Variants in UBAP2L observed in about 807,000 individuals in gnomAD.
The protein encoded by UBAP2L is ubiquitin-associated protein 2-like.
A neutral mutation model predicts 130.6 loss-of-function variants in UBAP2L; 12 were observed. The observed-to-expected ratio is 0.09, with a 90% CI of 0.06 to 0.15. The LOEUF is 0.15. UBAP2L is among the 10% of genes least tolerant of loss of function. The probability of loss-of-function intolerance (pLI) is 1.00; values close to 1 mark genes in which losing one functional copy is unlikely to be tolerated. For synonymous variants in UBAP2L, 503 were observed against 524.7 expected (o/e 0.96, Z 0.57); for missense variants, 965 against 1,332.5 (o/e 0.72, Z 4.29).
At chr1:154,226,435 GATAA>G (rs1667952479) in intron 2 of UBAP2L, among the ~76,000 whole-genome samples, 2 of 152,224 alleles carry the variant, frequency 1.3e-5, no homozygotes, top group Admixed American at 1.3e-4. Flanking sequence ...ATTATGGTCA[GATAA>G]ATCGAATATG....
At chr1:154,252,318 G>A (rs1339600937) in intron 14 of UBAP2L, among the ~76,000 whole-genome samples, 1 of 114,768 alleles carries the variant, frequency 8.7e-6, no homozygotes, top group African/African-American at 3.5e-5. Context: ...GTTTTGCTCT[G>A]TTGCCAGGCT....
rs752946273 is a variant in UBAP2L, at chr1:154,254,002, C to T, written c.1767C>T (p.Gly589=). The change falls in exon 15 of 27, where the codon GGC becomes GGT. Residue 589 remains glycine, a synonymous_variant. Transcript: ENST00000428931. Reference sequence around the variant, plus strand: ...ATACCTCCCAAAATAATGCTCAGGGCCCTCTTTATGAACAGAGATCCACAC... The same window carrying T: ...ATACCTCCCAAAATAATGCTCAGGGTCCTCTTTATGAACAGAGATCCACAC... ...TTYTSQNNAQ[G]PLYEQRSTQT... 6.0e-5 allele frequency: 97 copies of T among 1,603,550 alleles called. No homozygotes were observed. Among genetic ancestry groups the T allele is most frequent in the Admixed American group, 1.2e-4 (7 of 59,132 alleles).
Position 154,268,829 on chromosome 1 carries a change from A to G in UBAP2L, c.3043A>G (p.Ser1015Gly), listed in dbSNP as rs1684098299. 4 of 1,613,982 alleles carry G rather than the reference A, an allele frequency of 2.5e-6. No individual in the cohort carries two copies. In the East Asian group the frequency reaches 6.7e-5, roughly 27 times the overall value. Residue 1015 changes from serine to glycine, a missense_variant, in exon 26 of 27, where the codon AGT becomes GGT. By Grantham distance (56) the Ser-to-Gly change is moderately conservative (BLOSUM62 0). This residue lies in a region of UBAP2L where 194 missense variants were observed against 334.0 expected (regional missense o/e 0.58). Coordinates refer to ENST00000428931, the MANE Select transcript of UBAP2L (RefSeq NM_014847.4). ...CTTCAACTTGCCTTCAGCCCTAGGA[A>G]GTGGGGGCCCCATCAATCCGGCCAC... Reference protein sequence around the residue: ...ASFNLPSALGSGGPINPATAA... With the variant: ...ASFNLPSALGGGGPINPATAA...
At chr1:154,266,850 C>T (rs927351116) in intron 25 of UBAP2L, among the ~76,000 whole-genome samples, 1 of 142,308 alleles carries the variant, frequency 7.0e-6, no homozygotes, top group Non-Finnish European at 1.6e-5. Flanking sequence ...GCCCCTTTTC[C>T]TACCTACTCC....
upstream of UBAP2L, chr1:154,220,594 G>A (rs1027999910): frequency 6.3e-5 from 39 of 623,750 alleles, no homozygotes; most frequent in Admixed American, 4.0e-4. Flanking sequence ...AAAGGAGAAC[G>A]ACGCCTTCCA....
At chr1:154,267,082 T>A (rs150158612) in intron 25 of UBAP2L, among the ~76,000 whole-genome samples, 1 of 152,230 alleles carries the variant, frequency 6.6e-6, no homozygotes, top group East Asian at 1.9e-4. Flanking sequence ...GGGGGGGCAC[T>A]TCATGCACAA....
chr1:154,243,001 T>A lies in UBAP2L; in HGVS notation c.757-216T>A, dbSNP rs936347585. 3 of 392,578 alleles carry A rather than the reference T, an allele frequency of 7.6e-6. No homozygotes were observed. The Admixed American group carries it at 1.3e-4, about 17-fold the overall frequency. 24.3% of individuals were successfully genotyped at this position (392,578 alleles called of 1,614,324 possible). On this transcript the variant is annotated intron_variant, in intron 9 of 26. Transcript: ENST00000428931. Reference sequence around the variant, plus strand: ...ATATGATCATGTGACTCCACTATATTTTATTGGGTTCCTTGCTTCTACTCT... The same window carrying A: ...ATATGATCATGTGACTCCACTATATATTATTGGGTTCCTTGCTTCTACTCT...
At chr1:154,271,319 A>G (rs1684674715), downstream of UBAP2L, 1 of 198,602 alleles carries the variant, frequency 5.0e-6, no homozygotes, top group Non-Finnish European at 1.0e-5. Context: ...TGGCAGAACT[A>G]AATCTTGGAG....
chr1:154,234,610 GGAA>G lies in UBAP2L; in HGVS notation c.307_309del (p.Lys103del). On this transcript the variant is annotated inframe_deletion, in exon 5 of 27. Coordinates refer to ENST00000428931, the MANE Select transcript of UBAP2L (RefSeq NM_014847.4). ...CTATAGCATTCCTGGGAGATGGTCG[GGAA>G]GAAGAAGGGAGTCTCAGGCCAGAAG... 6.2e-7 allele frequency: 1 copy of G among 1,614,014 alleles called. No homozygotes were observed. The highest frequency in any genetic ancestry group is 8.5e-7 in the Non-Finnish European group (1 of 1,179,990).
At chr1:154,249,506 G>A in intron 12 of UBAP2L, 69 bp downstream of exon 12, 2 of 1,591,212 alleles carry the variant, frequency 1.3e-6, no homozygotes, top group East Asian at 2.2e-5. Flanking sequence ...CTAGCAGGGG[G>A]AGGGGGTGGA....
chr1:154,263,096 CT>C, intron 24 of UBAP2L: 2 of 1,551,346 alleles, frequency 1.3e-6, no homozygotes, highest in Non-Finnish European at 1.7e-6. Flanking sequence ...TATTTGATTC[CT>C]TTTAGGAAGA....
intron 1 of UBAP2L, among the ~76,000 whole-genome samples, chr1:154,223,098 C>T (rs1423713101): frequency 6.8e-6 from 1 of 146,806 alleles, no homozygotes; most frequent in Admixed American, 7.0e-5. Context: ...TGACCTGTTG[C>T]TCAGTGTTGT....
chr1:154,270,383 T>TG lies in UBAP2L; in HGVS notation c.*94dup, dbSNP rs1558244497. The TG allele has an allele frequency of 3.2e-6, 5 of 1,576,594 alleles. No homozygotes were observed. In the African/African-American group the frequency reaches 4.0e-5, roughly 13 times the overall value. On this transcript the variant is annotated 3_prime_UTR_variant, in exon 27 of 27. Coordinates refer to ENST00000428931, the MANE Select transcript of UBAP2L (RefSeq NM_014847.4). ...AAACAGCATCAAAGAGAAAGGAATG[T>TG]GGGGGGTTTCCGCTGCCCCCCACCC...
intron 1 of UBAP2L, among the ~76,000 whole-genome samples, chr1:154,221,605 G>A (rs1181018335): frequency 6.6e-6 from 1 of 152,174 alleles, no homozygotes; most frequent in Non-Finnish European, 1.5e-5. Context: ...TGGGAGGTAG[G>A]GAGGAGATTG....
chr1:154,234,182 G>C (rs565967215), intron 4 of UBAP2L, among the ~76,000 whole-genome samples: 1 of 152,114 alleles, frequency 6.6e-6, no homozygotes, highest in African/African-American at 2.4e-5. Flanking sequence ...GGCCAACGTG[G>C]TGAAACCCTG....
Position 154,268,923 on chromosome 1 carries a change from T to G in UBAP2L, c.3137T>G (p.Ile1046Ser), listed in dbSNP as rs750853950. 6.2e-7 allele frequency: 1 copy of G among 1,608,076 alleles called. No homozygotes were observed. Among genetic ancestry groups the G allele is most frequent in the South Asian group, 1.1e-5 (1 of 90,860 alleles). The change falls in exon 26 of 27, where the codon ATC (isoleucine) becomes AGC (serine). Residue 1046 changes from isoleucine to serine, a missense_variant. Coordinates refer to ENST00000428931, the MANE Select transcript of UBAP2L (RefSeq NM_014847.4). ...LTPHQQPHSQ[I>S]LHHHLQQDGQ... The stretch of plus-strand genomic sequence containing the variant: ...CCCCATCAGCAGCCGCATTCTCAGA[T>G]CCTTCACCATCACCTGCAGCAGGAT...
In UBAP2L at chr1:154,261,668, G is replaced by A; in HGVS notation, c.2873G>A (p.Ser958Asn). Reference sequence around the variant, plus strand: ...TCGGCCACCCCTTTCCAACAGCCGAGTGGATATGGGTCTCATGGATACAAC... The same window carrying A: ...TCGGCCACCCCTTTCCAACAGCCGAATGGATATGGGTCTCATGGATACAAC... ...NASATPFQQP[S>N]GYGSHGYNTG... The change falls in exon 24 of 27, where the codon AGT becomes AAT. Residue 958 changes from serine (S) to asparagine (N), a missense_variant. By Grantham distance (46) the Ser-to-Asn change is conservative. This residue lies in a region of UBAP2L where 194 missense variants were observed against 334.0 expected (regional missense o/e 0.58). Coordinates refer to ENST00000428931, the MANE Select transcript of UBAP2L (RefSeq NM_014847.4). 1 of 1,614,172 alleles carries A rather than the reference G, an allele frequency of 6.2e-7. No homozygotes were observed. The highest frequency in any genetic ancestry group is 8.5e-7 in the Non-Finnish European group (1 of 1,180,034).
In UBAP2L at chr1:154,241,843, G is replaced by C; in HGVS notation, c.756+278G>C. ...TCGGATTTATCCCAGGAAGAGATTG[G>C]TGGTTGGGTAGGGCACCAGAAGTGG... On this transcript the variant is annotated intron_variant, in intron 9 of 26. Coordinates refer to ENST00000428931, the MANE Select transcript of UBAP2L (RefSeq NM_014847.4). 3.2e-6 allele frequency: 3 copies of C among 947,356 alleles called. No individual in the cohort carries two copies. The South Asian group carries it at 1.5e-4, about 46-fold the overall frequency. The allele number at this position is 947,356 out of a possible 1,614,324, so 58.7% of individuals were successfully genotyped here.
At position 154,237,081 on chromosome 1, in the gene UBAP2L, T is replaced by C. The variant is rs754817926; in HGVS notation, c.648T>C (p.Asn216=). The C allele has an allele frequency of 6.2e-6, 10 of 1,614,032 alleles. No individual in the cohort carries two copies. Among genetic ancestry groups the C allele is most frequent in the Non-Finnish European group, 8.5e-6 (10 of 1,180,032 alleles). Residue 216 remains asparagine (N), a synonymous_variant, in exon 8 of 27, where the codon AAT becomes AAC. Transcript: ENST00000428931. The part of the protein sequence containing the change: ...EPANTDDNYG[N]SSGNTWNNTG... ...CCAATACTGATGATAACTATGGCAA[T>C]AGCAGCGGCAATACGTGGAACAACA...
Sources: gnomAD v4.1 joint callset for allele counts (sites outside exome capture counted in the v4.1 genomes callset) on GRCh38, gnomAD v4.1.1 for gene constraint, gnomAD v4.1.1 regional missense constraint, MANE v1.5 for transcripts, NCBI Gene and HGNC (gene_info 2026-07-23, HGNC 2026-07-21) for gene names.